Variants in SORBS2 observed in about 807,000 individuals in gnomAD.
SORBS2 encodes the protein sorbin and SH3 domain containing 2.
Under a neutral mutation model 97.7 loss-of-function variants are expected in SORBS2, and 46 were observed. The observed-to-expected ratio is 0.47, with a 90% CI of 0.37 to 0.60. SORBS2 has a LOEUF of 0.60. Ranked by LOEUF, SORBS2 falls within the 20% of genes least tolerant of loss-of-function variation. The pLI, the probability that SORBS2 is intolerant of heterozygous loss-of-function variation, is 0.00. For missense variants in SORBS2, 1,316 were observed against 1,282.3 expected (o/e 1.03, Z -0.40); for synonymous variants, 476 against 473.4 (o/e 1.01, Z -0.07).
intron 3 of SORBS2, among the ~76,000 whole-genome samples, chr4:185,648,174 C>T (rs1418597151): frequency 3.3e-5 from 5 of 151,848 alleles, no homozygotes; most frequent in African/African-American, 9.7e-5. Flanking sequence ...GTTGGCCAGG[C>T]CAGTCTTGAA....
chr4:185,891,089 G>GATTCTGCTTATTCTTTGTTTTTTA (rs67797689), intron 1 of SORBS2, among the ~76,000 whole-genome samples: 21 of 151,586 alleles, frequency 1.4e-4, no homozygotes, highest in African/African-American at 5.1e-4. Context: ...ATGAGTTTCA[G>GATTCTGCTTATTCTTTGTTTTTTA]ATTCTGCTTA....
At chr4:185,751,980 A>G (rs1021093481) in intron 2 of SORBS2, among the ~76,000 whole-genome samples, 29 of 152,214 alleles carry the variant, frequency 1.9e-4, no homozygotes, top group African/African-American at 6.0e-4. Flanking sequence ...GGCAGTGGGG[A>G]TGGGGGTGCT....
At chr4:185,797,602 A>T (rs577563867) in intron 1 of SORBS2, among the ~76,000 whole-genome samples, 1 of 152,106 alleles carries the variant, frequency 6.6e-6, no homozygotes, top group African/African-American at 2.4e-5. Context: ...CAGTAATCTC[A>T]TTTAATCCTA....
chr4:185,795,062 AGCTTGCAAACTGAGCATGT>A lies in SORBS2; in HGVS notation c.-337-19715_-337-19697del, dbSNP rs2099098517. 7.2e-5 allele frequency among the ~76,000 whole-genome samples: 11 copies of A among 152,238 alleles called. No homozygotes were observed. In the South Asian group the frequency reaches 2.3e-3, roughly 32 times the overall value. ...GTAGTGTGTATAGGCGGGCTTCATG[AGCTTGCAAACTGAGCATGT>A]GCACCTGACCCTGTGCTTAGAACGG... is the stretch of plus-strand genomic sequence containing the variant. On this transcript the variant is annotated intron_variant, in intron 1 of 20. Coordinates refer to the SORBS2 transcript ENST00000284776.
intron 1 of SORBS2, among the ~76,000 whole-genome samples, chr4:185,909,106 A>T (rs1282581708): frequency 6.6e-6 from 1 of 152,202 alleles, no homozygotes; most frequent in Non-Finnish European, 1.5e-5. Flanking sequence ...TCATGTGTTT[A>T]CTGTAGCAGT....
In SORBS2 at chr4:185,942,143, G is replaced by A. The variant is rs538465566; in HGVS notation, c.-338+14053C>T. Among the ~76,000 whole-genome samples, 21 of 152,068 alleles carry A rather than the reference G, an allele frequency of 1.4e-4. No individual in the cohort carries two copies. The East Asian group carries it at 3.3e-3, about 24-fold the overall frequency. ...ACAAAAAACAAAAAACTAAGACTTG[G>A]AGAAACTAAGCAAGATACTGATGAA... is the stretch of plus-strand genomic sequence containing the variant. On this transcript the variant is annotated intron_variant, in intron 1 of 20. Coordinates refer to the SORBS2 transcript ENST00000284776.
intron 2 of SORBS2, chr4:185,774,356 G>A (rs1265598374): frequency 6.6e-6 from 1 of 152,124 alleles, no homozygotes; most frequent in Non-Finnish European, 1.5e-5. Flanking sequence ...ACAGATCAGT[G>A]AGGAAAACTA....
intron 1 of SORBS2, among the ~76,000 whole-genome samples, chr4:185,824,653 A>G (rs1175818378): frequency 3.3e-5 from 5 of 152,166 alleles, no homozygotes; most frequent in Non-Finnish European, 5.9e-5. Flanking sequence ...TGCTGGTGGA[A>G]AAGATCAATT....
At chr4:185,932,534 C>T (rs1279763839) in intron 1 of SORBS2, among the ~76,000 whole-genome samples, 4 of 152,124 alleles carry the variant, frequency 2.6e-5, no homozygotes, top group African/African-American at 4.8e-5. Context: ...AAATCAACAC[C>T]TCACCATTAA....
At chr4:185,916,388 G>A (rs2149901057) in intron 1 of SORBS2, among the ~76,000 whole-genome samples, 1 of 152,330 alleles carries the variant, frequency 6.6e-6, no homozygotes, top group South Asian at 2.1e-4. Flanking sequence ...TTCTGGACAT[G>A]TCAGTCTCAG....
intron 4 of SORBS2, 121 bp downstream of exon 15, chr4:185,637,958 G>T: frequency 1.4e-6 from 1 of 699,870 alleles, no homozygotes; most frequent in Non-Finnish European, 2.6e-6. Context: ...CCAAGTGTGT[G>T]TATACATTAT....
intron 2 of SORBS2, among the ~76,000 whole-genome samples, chr4:185,689,755 A>G (rs781504047): frequency 6.6e-6 from 1 of 152,212 alleles, no homozygotes; most frequent in African/African-American, 2.4e-5. Flanking sequence ...CCAGCTGGAC[A>G]TGAGAGAATA....
intron 4 of SORBS2, among the ~76,000 whole-genome samples, chr4:185,664,790 G>A (rs2153478032): frequency 6.6e-6 from 1 of 152,246 alleles, no homozygotes; most frequent in South Asian, 2.1e-4. Context: ...TTATCAGCTT[G>A]ATAGAACATA....
intron 4 of SORBS2, among the ~76,000 whole-genome samples, chr4:185,665,426 A>G (rs1300842835): frequency 6.6e-6 from 1 of 152,246 alleles, no homozygotes; most frequent in African/African-American, 2.4e-5. Flanking sequence ...ATCACAACAT[A>G]TTGTGATGTA....
At chr4:185,848,618 C>CTTTTTTTTTTTTTTTTTTTTTTTTTT (rs537195530) in intron 1 of SORBS2, among the ~76,000 whole-genome samples, 1 of 75,636 alleles carries the variant, frequency 1.3e-5, no homozygotes, top group African/African-American at 5.8e-5. Flanking sequence ...AAGGATATCT[C>CTTTTTTTTTTTTTTTTTTTTTTTTTT]TTTTTTTTTT....
intron 1 of SORBS2, among the ~76,000 whole-genome samples, chr4:185,807,467 T>C (rs1414157088): frequency 1.3e-5 from 2 of 152,222 alleles, no homozygotes; most frequent in African/African-American, 4.8e-5. Flanking sequence ...AAATTCCTAC[T>C]TGGTAAACTA....
intron 4 of SORBS2, chr4:185,677,712 A>C: frequency 7.9e-7 from 1 of 1,258,834 alleles, no homozygotes; most frequent in Non-Finnish European, 1.1e-6. Flanking sequence ...TTAGTCATGA[A>C]AGAAACCAGT....
Position 185,903,781 on chromosome 4 carries a change from C to T in SORBS2, c.-338+52415G>A, listed in dbSNP as rs560956980. ...TTCAGATTGCACGATAACCTTGAAA[C>T]TTACAAACCTGGCTTTGGTTGTAAA... On this transcript the variant is annotated intron_variant, in intron 1 of 20. Coordinates refer to the SORBS2 transcript ENST00000284776. 3.3e-5 allele frequency among the ~76,000 whole-genome samples: 5 copies of T among 152,272 alleles called. No individual in the cohort carries two copies. The East Asian group carries it at 7.7e-4, about 23-fold the overall frequency.
Position 185,949,916 on chromosome 4 carries a change from G to A in SORBS2, c.-338+6280C>T, listed in dbSNP as rs1240543457. Reference sequence around the variant, plus strand: ...ACTGGATGCCAAGAAGAGGGGAAGAGAAGAACAAAGAGTTTTTGCTACAAC... The same window carrying A: ...ACTGGATGCCAAGAAGAGGGGAAGAAAAGAACAAAGAGTTTTTGCTACAAC... On this transcript the variant is annotated intron_variant, in intron 1 of 20. Transcript: ENST00000284776. 2.6e-5 allele frequency among the ~76,000 whole-genome samples: 4 copies of A among 152,230 alleles called. No homozygotes were observed. The East Asian group carries it at 7.8e-4, about 30-fold the overall frequency.
Sources: allele counts gnomAD v4.1 joint callset (sites outside exome capture counted in the v4.1 genomes callset), GRCh38; gene constraint gnomAD v4.1.1; transcripts MANE v1.5; gene names NCBI Gene and HGNC (gene_info 2026-07-23, HGNC 2026-07-21).